Variants in SLC20A2 observed in about 807,000 individuals in gnomAD.
The protein encoded by SLC20A2 is solute carrier family 20 member 2.
In SLC20A2, 30 loss-of-function variants were observed where a neutral mutation model predicts 61.0. The ratio of observed to expected loss-of-function variants is 0.49; its 90% CI spans 0.37 to 0.67. The LOEUF (loss-of-function observed/expected upper bound fraction) is 0.67. SLC20A2 is among the 30% of genes least tolerant of loss of function. The probability of loss-of-function intolerance (pLI) is 0.00; values close to 1 mark genes in which losing one functional copy is unlikely to be tolerated. For missense variants in SLC20A2, 626 were observed against 866.4 expected, an observed-to-expected ratio of 0.72 and a Z score of 3.48; for synonymous variants, 351 against 353.3, an observed-to-expected ratio of 0.99 and a Z score of 0.07.
intron 2 of SLC20A2, 141 bp from the exon 3 acceptor site, chr8:42,466,058 C>T: frequency 2.7e-6 from 2 of 746,752 alleles, no homozygotes; most frequent in South Asian, 4.3e-5. Context: ...GCGCTACAGC[C>T]TGGACAAAAA....
At chr8:42,442,073 A>T (rs1304064258) in intron 6 of SLC20A2, among the ~76,000 whole-genome samples, 2 of 152,270 alleles carry the variant, frequency 1.3e-5, no homozygotes. Context: ...AGCTGGGATT[A>T]CAGGCATGAG....
chr8:42,449,027 C>A (rs1289299717), intron 5 of SLC20A2, among the ~76,000 whole-genome samples: 1 of 152,124 alleles, frequency 6.6e-6, no homozygotes, highest in African/African-American at 2.4e-5. Context: ...CAATGCACAC[C>A]CAAGGCAAAC....
intron 5 of SLC20A2, among the ~76,000 whole-genome samples, chr8:42,456,170 T>A (rs916258791): frequency 1.3e-5 from 2 of 152,148 alleles, no homozygotes; most frequent in Non-Finnish European, 2.9e-5. Flanking sequence ...ATAGAAAAAG[T>A]CAGACTTTTA....
At chr8:42,441,667 C>A (rs1317134501) in intron 6 of SLC20A2, among the ~76,000 whole-genome samples, 1 of 151,428 alleles carries the variant, frequency 6.6e-6, no homozygotes, top group African/African-American at 2.4e-5. Flanking sequence ...TGGGGTTTCA[C>A]CATGTTGGCC....
At chr8:42,485,804 G>A (rs1299258664) in intron 1 of SLC20A2, among the ~76,000 whole-genome samples, 3 of 151,642 alleles carry the variant, frequency 2.0e-5, no homozygotes, top group Non-Finnish European at 2.9e-5. Flanking sequence ...AAATTGGCTG[G>A]GCATGGTGGC....
chr8:42,469,799 G>A (rs997178238), intron 2 of SLC20A2, among the ~76,000 whole-genome samples: 3 of 151,842 alleles, frequency 2.0e-5, no homozygotes, highest in Non-Finnish European at 2.9e-5. Context: ...GTGGTGTCGG[G>A]TGCCTGTAAT....
At chr8:42,418,040 A>G (rs529891330) in intron 10 of SLC20A2, 73 bp from the exon 11 acceptor site, 651 of 1,276,904 alleles carry the variant, frequency 5.1e-4, no homozygotes, top group Non-Finnish European at 6.4e-4. Flanking sequence ...TACATGGGCT[A>G]ATCTCAGAAA....
At chr8:42,481,299 A>G (rs1363162844) in intron 1 of SLC20A2, among the ~76,000 whole-genome samples, 1 of 152,170 alleles carries the variant, frequency 6.6e-6, no homozygotes, top group Non-Finnish European at 1.5e-5. Flanking sequence ...AAGTAGATTT[A>G]AACAATGAGT....
upstream of SLC20A2, among the ~76,000 whole-genome samples, chr8:42,503,140 C>T (rs1201402883): frequency 1.3e-5 from 2 of 152,178 alleles, no homozygotes; most frequent in Admixed American, 1.3e-4. Flanking sequence ...CACACCTGTT[C>T]CACAGTGGAA....
In SLC20A2 at chr8:42,465,797, C is replaced by T; in HGVS notation, c.410G>A (p.Trp137Ter). 6.2e-7 allele frequency: 1 copy of T among 1,607,612 alleles called. No individual in the cohort carries two copies. Among genetic ancestry groups the T allele is most frequent in the Non-Finnish European group, 8.5e-7 (1 of 1,177,384 alleles). The part of the protein sequence containing the change: ...LVAIGTKGVQ[W>*]MELVKIVASW... ...ATTACCAATCTTGACAAGCTCCATC[C>T]ACTGCACACCTTTGGTACCGATTGC... The change falls in exon 3 of 11, where the codon TGG becomes TAG. Residue 137 changes from tryptophan to a stop codon, truncating the protein, a stop_gained. Transcript: ENST00000520262. LOFTEE classifies it high-confidence loss of function.
At chr8:42,526,094 T>C (rs1247979241) in intron 1 of SLC20A2, among the ~76,000 whole-genome samples, 1 of 151,718 alleles carries the variant, frequency 6.6e-6, no homozygotes, top group Non-Finnish European at 1.5e-5. Context: ...CAGAAACAGG[T>C]AAGAAGGAGG....
At chr8:42,445,705 C>T (rs1805156381) in intron 5 of SLC20A2, among the ~76,000 whole-genome samples, 1 of 151,310 alleles carries the variant, frequency 6.6e-6, no homozygotes, top group Non-Finnish European at 1.5e-5. Flanking sequence ...CTAGTCTGGG[C>T]AACAAGAGTA....
At chr8:42,439,391 C>T in intron 7 of SLC20A2, 59 bp downstream of exon 7, 1 of 1,545,756 alleles carries the variant, frequency 6.5e-7, no homozygotes, top group Non-Finnish European at 8.8e-7. Flanking sequence ...CCCAGCTGGT[C>T]CTCCCCAGGG....
chr8:42,445,567 A>T (rs981404594), intron 5 of SLC20A2, among the ~76,000 whole-genome samples: 3 of 152,018 alleles, frequency 2.0e-5, no homozygotes, highest in Non-Finnish European at 4.4e-5. Flanking sequence ...CTCTACTAAA[A>T]ATACAAAAAC....
intron 5 of SLC20A2, among the ~76,000 whole-genome samples, chr8:42,459,349 A>G (rs1040127497): frequency 2.0e-5 from 3 of 152,182 alleles, no homozygotes; most frequent in Non-Finnish European, 4.4e-5. Flanking sequence ...ATCTAAAAAA[A>G]CAAAGCATGG....
At chr8:42,467,582 A>C (rs1350235051) in intron 2 of SLC20A2, among the ~76,000 whole-genome samples, 2 of 152,208 alleles carry the variant, frequency 1.3e-5, no homozygotes, top group African/African-American at 2.4e-5. Flanking sequence ...TCTGAGTTGC[A>C]GGAGGATCAT....
chr8:42,509,839 A>G (rs979225589), intron 1 of SLC20A2, among the ~76,000 whole-genome samples: 3 of 152,206 alleles, frequency 2.0e-5, no homozygotes, highest in African/African-American at 7.2e-5. Flanking sequence ...CTTCAAAACA[A>G]AAGAGCACTA....
At chr8:42,443,264 G>T (rs1586044411) in intron 6 of SLC20A2, among the ~76,000 whole-genome samples, 2 of 105,474 alleles carry the variant, frequency 1.9e-5, no homozygotes, top group Non-Finnish European at 3.8e-5. Context: ...ATTATTATAG[G>T]ATATATATAT....
chr8:42,462,967 GTTC>G (rs1806832942), intron 4 of SLC20A2, 35 bp downstream of exon 4: 1 of 1,304,058 alleles, frequency 7.7e-7, no homozygotes. Context: ...GCCAAAAATA[GTTC>G]TTAAGATTTA....
Sources: allele counts gnomAD v4.1 joint callset (sites outside exome capture counted in the v4.1 genomes callset), GRCh38; gene constraint gnomAD v4.1.1; transcripts MANE v1.5; gene names NCBI Gene and HGNC (gene_info 2026-07-23, HGNC 2026-07-21).